Variants in TEX9 observed in about 807,000 individuals in gnomAD.
TEX9 encodes the protein testis-expressed protein 9.
In TEX9, 74 loss-of-function variants were observed where a neutral mutation model predicts 59.6. The observed-to-expected ratio is 1.24, with a 90% CI of 1.03 to 1.51. TEX9 has a LOEUF of 1.51. TEX9 is among the 40% of genes most tolerant of loss of function. TEX9 has a pLI of 0.00. For missense variants in TEX9, 522 were observed against 447.8 expected (o/e 1.17, Z -1.49); for synonymous variants, 186 against 152.2 (o/e 1.22, Z -1.64).
At chr15:56,395,042 T>C in intron 9 of TEX9, 1 of 560,946 alleles carries the variant, frequency 1.8e-6, no homozygotes, top group Non-Finnish European at 3.1e-6. Context: ...TTTTGGTGTA[T>C]TCATAGAATT....
intron 9 of TEX9, among the ~76,000 whole-genome samples, chr15:56,404,210 G>T (rs1482347060): frequency 6.6e-6 from 1 of 152,092 alleles, no homozygotes; most frequent in Non-Finnish European, 1.5e-5. Context: ...CTACAGAATG[G>T]GAGAAAATTT....
chr15:56,335,075 C>T (rs546787576), intron 1 of TEX9, among the ~76,000 whole-genome samples: 7 of 152,230 alleles, frequency 4.6e-5, no homozygotes, highest in African/African-American at 1.7e-4. Flanking sequence ...AGTACAACCA[C>T]TATGCAGAAC....
At chr15:56,344,280 C>G (rs984924637) in intron 1 of TEX9, among the ~76,000 whole-genome samples, 8 of 152,108 alleles carry the variant, frequency 5.3e-5, no homozygotes, top group Non-Finnish European at 1.2e-4. Context: ...TTTCCATCAA[C>G]TGATGAATGG....
At chr15:56,416,744 C>A (rs1388385733) in intron 10 of TEX9, among the ~76,000 whole-genome samples, 1 of 151,686 alleles carries the variant, frequency 6.6e-6, no homozygotes, top group Non-Finnish European at 1.5e-5. Context: ...GGGGAGGAGT[C>A]CCTCCTCAGT....
chr15:56,329,475 C>T (rs1458110228), intron 1 of TEX9, among the ~76,000 whole-genome samples: 1 of 152,088 alleles, frequency 6.6e-6, no homozygotes, highest in African/African-American at 2.4e-5. Flanking sequence ...CGTGTGGAAA[C>T]AGAGATACGT....
the TEX9 span, among the ~76,000 whole-genome samples, chr15:56,457,440 T>C: frequency 1.3e-5 from 2 of 152,216 alleles, no homozygotes; most frequent in Non-Finnish European, 2.9e-5. Flanking sequence ...CAACACCAGA[T>C]GCTGGCAAGA....
chr15:56,420,010 C>G (rs1351929603), intron 10 of TEX9, among the ~76,000 whole-genome samples: 4 of 151,718 alleles, frequency 2.6e-5, no homozygotes, highest in East Asian at 1.9e-4. Flanking sequence ...TTACATCTGT[C>G]AAGGAATCTG....
chr15:56,305,212 T>A (rs1401349472), intron 1 of TEX9, among the ~76,000 whole-genome samples: 1 of 152,080 alleles, frequency 6.6e-6, no homozygotes, highest in African/African-American at 2.4e-5. Flanking sequence ...TCCAAAACGA[T>A]TTACAGATTC....
At chr15:56,456,458 A>G in the TEX9 span, 21 of 1,612,192 alleles carry the variant, frequency 1.3e-5, no homozygotes, top group Non-Finnish European at 1.7e-5. Flanking sequence ...AGTTTTGCCA[A>G]TTCCATAGCC....
At chr15:56,406,137 G>A (rs1195340839) in intron 9 of TEX9, among the ~76,000 whole-genome samples, 1 of 152,056 alleles carries the variant, frequency 6.6e-6, no homozygotes, top group Non-Finnish European at 1.5e-5. Flanking sequence ...GCACCAGGCA[G>A]CCACTGAGCT....
chr15:56,424,748 G>T (rs986342399), intron 10 of TEX9, among the ~76,000 whole-genome samples: 2 of 151,986 alleles, frequency 1.3e-5, no homozygotes, highest in African/African-American at 4.8e-5. Flanking sequence ...TTTTAAATTC[G>T]AAAAGAATGA....
At chr15:56,389,195 A>G in intron 5 of TEX9, 123 bp from the exon 6 acceptor site, 4 of 743,836 alleles carry the variant, frequency 5.4e-6, no homozygotes, top group Non-Finnish European at 9.3e-6. Context: ...CATTTTTGGT[A>G]ATTCCATGAA....
the TEX9 span, among the ~76,000 whole-genome samples, chr15:56,456,196 T>C: frequency 6.6e-6 from 1 of 152,190 alleles, no homozygotes; most frequent in Admixed American, 6.5e-5. Flanking sequence ...TTTTTCACTG[T>C]AAATATTCAG....
At position 56,315,750 on chromosome 15, in the gene TEX9, C is replaced by T. The variant is rs867426663; in HGVS notation, c.-106-57691C>T. 1.8e-4 allele frequency among the ~76,000 whole-genome samples: 27 copies of T among 146,802 alleles called. 1 individual carries two copies. The South Asian group carries it at 5.8e-3, about 32-fold the overall frequency. On this transcript the variant is annotated intron_variant, in intron 1 of 5. Transcript: ENST00000560827. Reference sequence around the variant, plus strand: ...GGATAATATCCTGCAGAGTGTTTTCCAACTTGGTTCCATTCTCCCCATCAC... The same window carrying T: ...GGATAATATCCTGCAGAGTGTTTTCTAACTTGGTTCCATTCTCCCCATCAC...
At chr15:56,372,444 C>T (rs1463452329) in intron 2 of TEX9, among the ~76,000 whole-genome samples, 1 of 151,958 alleles carries the variant, frequency 6.6e-6, no homozygotes, top group Non-Finnish European at 1.5e-5. Flanking sequence ...TCAGAAGATC[C>T]TAGGTGGTCT....
At chr15:56,401,155 C>G (rs1431824988) in intron 9 of TEX9, among the ~76,000 whole-genome samples, 5 of 151,848 alleles carry the variant, frequency 3.3e-5, no homozygotes, top group Non-Finnish European at 7.4e-5. Flanking sequence ...TGTAAATAGG[C>G]TAAATGCCCC....
At chr15:56,438,783 C>G (rs947112345) in intron 12 of TEX9, among the ~76,000 whole-genome samples, 4 of 151,916 alleles carry the variant, frequency 2.6e-5, no homozygotes, top group African/African-American at 9.7e-5. Flanking sequence ...AAAAAGAACT[C>G]AAATTTACAA....
chr15:56,438,981 G>A (rs1178841193), intron 12 of TEX9, among the ~76,000 whole-genome samples: 1 of 152,012 alleles, frequency 6.6e-6, no homozygotes, highest in Non-Finnish European at 1.5e-5. Flanking sequence ...AGGAAAGGAA[G>A]TAAAAAGTAT....
rs943051674 is a variant in TEX9 at position 56,368,618 on chromosome 15, A to G, written c.119+2948A>G. On this transcript the variant is annotated intron_variant, in intron 2 of 12. Transcript: ENST00000352903. ...TGATTAGATGTACTATTTCTAGAATAGTTTTTGGTTATTTCTAAAATAATT... is the reference window on the plus strand; with the variant it reads ...TGATTAGATGTACTATTTCTAGAATGGTTTTTGGTTATTTCTAAAATAATT... 5.9e-5 allele frequency among the ~76,000 whole-genome samples: 9 copies of G among 152,212 alleles called. No homozygotes were observed. In the East Asian group the frequency reaches 1.7e-3, roughly 29 times the overall value.
Sources: allele counts gnomAD v4.1 joint callset (sites outside exome capture counted in the v4.1 genomes callset), GRCh38; gene constraint gnomAD v4.1.1; transcripts MANE v1.5; gene names NCBI Gene and HGNC (gene_info 2026-07-23, HGNC 2026-07-21).